IST1: variants seen among roughly 807,000 people sequenced by gnomAD.
IST1 encodes IST1 factor associated with ESCRT-III, also known as IST1 homolog.
In IST1, 23 loss-of-function variants were observed where a neutral mutation model predicts 37.0. The observed-to-expected ratio is 0.62, with a 90% confidence interval of 0.45 to 0.88. The LOEUF is 0.88. IST1 is among the 40% of genes least tolerant of loss of function. The probability of loss-of-function intolerance (pLI) is 0.00; values close to 1 mark genes in which losing one functional copy is unlikely to be tolerated. For missense variants in IST1, 488 were observed against 445.4 expected (o/e 1.10, Z -0.86); for synonymous variants, 180 against 161.7 (o/e 1.11, Z -0.86).
At chr16:71,917,624 A>C (rs1027762723) in intron 4 of IST1, among the ~76,000 whole-genome samples, 3 of 152,208 alleles carry the variant, frequency 2.0e-5, no homozygotes, top group African/African-American at 7.2e-5. Context: ...ACATCACAAC[A>C]TGGATATGGT....
chr16:71,929,965 TTA>T lies in IST1; in HGVS notation c.*2154_*2155del, dbSNP rs1416074973. 37 of 1,388,474 alleles carry T rather than the reference TTA, an allele frequency of 2.7e-5. No individual in the cohort carries two copies. In the African/African-American group the frequency reaches 4.8e-4, roughly 18 times the overall value. 86.0% of individuals were successfully genotyped at this position (1,388,474 alleles called of 1,614,324 possible). A position where few individuals can be genotyped will look rare whatever the true frequency, so the allele number is the denominator to read the frequency against. The stretch of plus-strand genomic sequence containing the variant: ...GGAATATGATACTGTGCATTATAAA[TTA>T]TGTCAGCCCGTCATCTTAGGGGCAG... On this transcript the variant is annotated 3_prime_UTR_variant, in exon 10 of 10. Coordinates refer to ENST00000378799, the MANE Select transcript of IST1 (RefSeq NM_001270975.2).
intron 1 of IST1, among the ~76,000 whole-genome samples, chr16:71,897,144 G>T (rs2036991250): frequency 6.8e-6 from 1 of 147,544 alleles, no homozygotes. Context: ...CTTGGGAGTA[G>T]TAGCTGACAC....
Position 71,929,523 on chromosome 16 carries a change from T to A in IST1, c.*1710T>A. 6.5e-7 allele frequency: 1 copy of A among 1,543,994 alleles called. No homozygotes were observed. Among genetic ancestry groups the A allele is most frequent in the South Asian group, 1.2e-5 (1 of 82,184 alleles). On this transcript the variant is annotated 3_prime_UTR_variant, in exon 10 of 10. Transcript: ENST00000378799. ...ATACGCTAATAAATACTAAGCCAAG[T>A]AGGAGATAACAGGATTAAGGTAGTT...
chr16:71,921,932 T>C (rs1180343854), intron 6 of IST1, among the ~76,000 whole-genome samples: 2 of 152,146 alleles, frequency 1.3e-5, no homozygotes, highest in Non-Finnish European at 2.9e-5. Context: ...GGTCAGGAGA[T>C]CGAGACCATC....
intron 8 of IST1, chr16:71,924,513 G>A: frequency 3.5e-6 from 2 of 565,272 alleles, no homozygotes; most frequent in South Asian, 4.2e-5. Context: ...ATGGCTGGAG[G>A]CCAGGAAGTG....
chr16:71,899,812 A>G (rs1026747608), intron 1 of IST1, among the ~76,000 whole-genome samples: 1 of 152,256 alleles, frequency 6.6e-6, no homozygotes, highest in East Asian at 1.9e-4. Context: ...TCACAAGGTC[A>G]GGAGATCGAG....
At chr16:71,908,362 C>CGA (rs1363759239) in intron 1 of IST1, among the ~76,000 whole-genome samples, 27 of 131,492 alleles carry the variant, frequency 2.1e-4, no homozygotes, top group Admixed American at 1.8e-4. Context: ...TGCAATGGCA[C>CGA]GATCTCGGCT....
chr16:71,917,244 G>A (rs1648055852), intron 4 of IST1, 110 bp downstream of exon 4: 2 of 624,990 alleles, frequency 3.2e-6, no homozygotes, highest in South Asian at 4.6e-5. Context: ...CCATTCTTAT[G>A]TTGCTTTTGA....
chr16:71,899,172 C>T (rs1032180658), intron 1 of IST1, among the ~76,000 whole-genome samples: 1 of 152,024 alleles, frequency 6.6e-6, no homozygotes. Flanking sequence ...TGCTGTTGAT[C>T]TTACAGTTTT....
chr16:71,907,317 G>A (rs922083819), intron 1 of IST1, among the ~76,000 whole-genome samples: 4 of 142,474 alleles, frequency 2.8e-5, no homozygotes, highest in Non-Finnish European at 4.5e-5. Context: ...TCTCTCTGTC[G>A]CCCATGCTGG....
intron 1 of IST1, among the ~76,000 whole-genome samples, chr16:71,914,316 G>C (rs2037423847): frequency 6.6e-6 from 1 of 151,320 alleles, no homozygotes; most frequent in South Asian, 2.1e-4. Flanking sequence ...GCGTCACCAC[G>C]CCCAGCTAAT....
intron 1 of IST1, among the ~76,000 whole-genome samples, chr16:71,898,339 C>T (rs2037022776): frequency 7.2e-6 from 1 of 139,164 alleles, no homozygotes; most frequent in Non-Finnish European, 1.5e-5. Context: ...ATTGCACCAC[C>T]TGCCTGGTGA....
At chr16:71,917,022 T>A in intron 3 of IST1, 25 bp from the exon 4 acceptor site, 1 of 1,467,568 alleles carries the variant, frequency 6.8e-7, no homozygotes, top group Non-Finnish European at 9.4e-7. Context: ...TAAAGAATGT[T>A]ATATTAATTT....
At chr16:71,908,606 A>T (rs1410530495) in intron 1 of IST1, among the ~76,000 whole-genome samples, 1 of 152,186 alleles carries the variant, frequency 6.6e-6, no homozygotes, top group African/African-American at 2.4e-5. Flanking sequence ...GCTGCTTTAA[A>T]GTCTTTGTCA....
intron 1 of IST1, among the ~76,000 whole-genome samples, chr16:71,902,963 A>C (rs1044322775): frequency 2.0e-5 from 3 of 151,264 alleles, no homozygotes; most frequent in African/African-American, 7.3e-5. Flanking sequence ...CTGGTTCCTT[A>C]ATGTGGAAGC....
chr16:71,923,405 A>G (rs961679723), intron 8 of IST1, 25 bp downstream of exon 8: 2 of 1,431,154 alleles, frequency 1.4e-6, no homozygotes, highest in South Asian at 2.3e-5. Flanking sequence ...CTCTTTTATA[A>G]GCAACAGGAG....
intron 1 of IST1, among the ~76,000 whole-genome samples, chr16:71,912,993 C>G (rs2142559407): frequency 6.6e-6 from 1 of 152,210 alleles, no homozygotes; most frequent in South Asian, 2.1e-4. Flanking sequence ...TTTGTTTATC[C>G]ATGAATCCCT....
intron 1 of IST1, 63 bp from the exon 2 acceptor site, chr16:71,915,563 G>T (rs977794728): frequency 9.6e-7 from 1 of 1,041,908 alleles, no homozygotes; most frequent in Non-Finnish European, 1.5e-6. Context: ...TCACCCCTAA[G>T]AGGTGTTAGT....
At chr16:71,900,166 CAA>C (rs59470234) in intron 1 of IST1, among the ~76,000 whole-genome samples, 12 of 126,746 alleles carry the variant, frequency 9.5e-5, no homozygotes, top group East Asian at 2.3e-4. Flanking sequence ...AACTCGGTCT[CAA>C]AAAAAAAAAA....
Sources: allele counts gnomAD v4.1 joint callset (sites outside exome capture counted in the v4.1 genomes callset), GRCh38; gene constraint gnomAD v4.1.1; transcripts MANE v1.5; gene names NCBI Gene and HGNC (gene_info 2026-07-23, HGNC 2026-07-21).